The following EML6 variants were observed in gnomAD, a reference collection of about 807,000 sequenced individuals.
The protein encoded by EML6 is echinoderm microtubule-associated protein-like 6.
Under a neutral mutation model 240.1 loss-of-function variants are expected in EML6, and 154 were observed. The observed-to-expected ratio is 0.64, with a 90% CI of 0.56 to 0.73. The LOEUF is 0.73. Among genes scored for constraint, EML6 ranks in the 30% least tolerant of loss-of-function variants. EML6 has a pLI of 0.00. For missense variants in EML6, 2,964 were observed against 2,474.6 expected (o/e 1.20, Z -4.20); for synonymous variants, 1,148 against 899.0 (o/e 1.28, Z -4.95).
In EML6 at chr2:54,824,454, C is replaced by A. The variant is rs75284038; in HGVS notation, c.526-3112C>A. 5.8e-3 allele frequency among the ~76,000 whole-genome samples: 881 copies of A among 152,132 alleles called. 3 individuals are homozygous for A. The highest frequency in any genetic ancestry group is 7.9e-3 in the Non-Finnish European group (539 of 68,002). Reference sequence around the variant, plus strand: ...GTCTGTATTCTCTATATCCAATTACCAGGATTTCTCCACTTTTTTTTCCCC... The same window carrying A: ...GTCTGTATTCTCTATATCCAATTACAAGGATTTCTCCACTTTTTTTTCCCC... On this transcript the variant is annotated intron_variant, in intron 5 of 41. Coordinates refer to ENST00000356458, the MANE Select transcript of EML6 (RefSeq NM_001039753.4).
chr2:54,768,942 C>T (rs1344223221), intron 2 of EML6, among the ~76,000 whole-genome samples: 1 of 152,086 alleles, frequency 6.6e-6, no homozygotes, highest in Non-Finnish European at 1.5e-5. Context: ...TTCATGTCTG[C>T]ATAGTGCCAA....
At chr2:54,767,634 G>A (rs201452541) in intron 2 of EML6, among the ~76,000 whole-genome samples, 2 of 106,986 alleles carry the variant, frequency 1.9e-5, no homozygotes, top group East Asian at 3.1e-4. Flanking sequence ...GTGTGTGTAT[G>A]TGTGTGTGTG....
intron 26 of EML6, among the ~76,000 whole-genome samples, chr2:54,926,823 A>G (rs901939905): frequency 1.3e-5 from 2 of 151,908 alleles, no homozygotes; most frequent in South Asian, 4.2e-4. Flanking sequence ...TGCAACCTGA[A>G]TCTCATCCCT....
rs1307490131 is a variant in EML6 at position 54,970,105 on chromosome 2, A to G, written c.*10A>G. On this transcript the variant is annotated 3_prime_UTR_variant, in exon 42 of 42. Coordinates refer to ENST00000356458, the MANE Select transcript of EML6 (RefSeq NM_001039753.4). ...GTGGCGATGTCTGTAAAATGCCAGA[A>G]GCCTCTTATGTTATTGCTGCTGCTG... 4 of 1,551,630 alleles carry G rather than the reference A, an allele frequency of 2.6e-6. No homozygotes were observed. The East Asian group carries it at 9.8e-5, about 38-fold the overall frequency.
intron 2 of EML6, among the ~76,000 whole-genome samples, chr2:54,809,514 C>A (rs544409305): frequency 6.6e-6 from 1 of 152,248 alleles, no homozygotes; most frequent in Admixed American, 6.5e-5. Flanking sequence ...GGTTGACTAA[C>A]AGCATGGCTG....
intron 3 of EML6, among the ~76,000 whole-genome samples, chr2:54,814,769 C>T (rs1192062554): frequency 6.6e-6 from 1 of 152,202 alleles, no homozygotes; most frequent in Non-Finnish European, 1.5e-5. Flanking sequence ...TTTAAGAGAG[C>T]ATCGATCACT....
At chr2:54,923,239 C>A (rs936426664) in intron 26 of EML6, among the ~76,000 whole-genome samples, 60 of 152,052 alleles carry the variant, frequency 3.9e-4, no homozygotes, top group African/African-American at 1.4e-3. Flanking sequence ...CCACGCCTGG[C>A]CAAAGAGTAT....
Position 54,894,945 on chromosome 2 carries a change from G to A in EML6, c.2773G>A (p.Val925Met), listed in dbSNP as rs1297054444. 21 of 1,551,344 alleles carry A rather than the reference G, an allele frequency of 1.4e-5. No homozygotes were observed. The highest frequency in any genetic ancestry group is 4.9e-5 in the East Asian group (2 of 40,920). Residue 925 changes from valine to methionine, a missense_variant, in exon 20 of 42, where the codon GTG becomes ATG. Coordinates refer to ENST00000356458, the MANE Select transcript of EML6 (RefSeq NM_001039753.4). ...TGTAACAGGTGGAAAGGACGGCATC[G>A]TGGAGCTCTGGGATGATATGTTTGA... ...GFVTGGKDGI[V>M]ELWDDMFERC...
At chr2:54,895,440 G>T (rs1397160107) in intron 21 of EML6, 40 bp downstream of exon 21, 6 of 1,548,854 alleles carry the variant, frequency 3.9e-6, no homozygotes, top group East Asian at 2.4e-5. Context: ...TTCACATCAA[G>T]GCTGGGACTA....
intron 2 of EML6, among the ~76,000 whole-genome samples, chr2:54,811,317 G>A (rs992351949): frequency 1.3e-5 from 2 of 152,152 alleles, no homozygotes; most frequent in Admixed American, 6.5e-5. Flanking sequence ...AGCTGCCCCT[G>A]CCTGCCTGAC....
At chr2:54,744,620 G>A (rs1020558026) in intron 2 of EML6, among the ~76,000 whole-genome samples, 4 of 151,958 alleles carry the variant, frequency 2.6e-5, no homozygotes, top group African/African-American at 2.4e-5. Context: ...GGCAAAGGGG[G>A]CATTCATGGG....
At chr2:54,787,856 C>T (rs1160787581) in intron 2 of EML6, among the ~76,000 whole-genome samples, 1 of 151,698 alleles carries the variant, frequency 6.6e-6, no homozygotes, top group Non-Finnish European at 1.5e-5. Context: ...CCTTCTGCAT[C>T]AATTTTTAGG....
At chr2:54,807,110 T>G (rs112638531) in intron 2 of EML6, among the ~76,000 whole-genome samples, 246 of 152,306 alleles carry the variant, frequency 1.6e-3, no homozygotes, top group African/African-American at 5.7e-3. Context: ...TTTATTGATT[T>G]TTTTTTTCCT....
At chr2:54,872,991 G>C (rs1276721292) in intron 16 of EML6, among the ~76,000 whole-genome samples, 1 of 152,142 alleles carries the variant, frequency 6.6e-6, no homozygotes, top group Non-Finnish European at 1.5e-5. Context: ...CTTGGCAGTA[G>C]AGCCCATCTG....
At chr2:54,962,786 C>G in intron 36 of EML6, 75 bp downstream of exon 36, 1 of 1,263,976 alleles carries the variant, frequency 7.9e-7, no homozygotes, top group Non-Finnish European at 1.0e-6. Flanking sequence ...GAGGAGAGGC[C>G]CAGCCAGCGT....
intron 28 of EML6, among the ~76,000 whole-genome samples, chr2:54,948,667 G>A (rs533783144): frequency 4.6e-5 from 7 of 152,160 alleles, no homozygotes; most frequent in South Asian, 2.1e-4. Context: ...TGCCTCAAGC[G>A]TGGGGAGGCC....
Position 54,853,788 on chromosome 2 carries a change from C to T in EML6, c.1590C>T (p.Ser530=). Residue 530 remains serine, a synonymous_variant, in exon 11 of 42, where the codon AGC becomes AGT. Coordinates refer to ENST00000356458, the MANE Select transcript of EML6 (RefSeq NM_001039753.4). ...DINSVDANYN[S]SVLVSGDDFG... ...ACTCAGTGGATGCGAATTACAACAG[C>T]TCAGTGCTGGTGTCTGGAGATGATT... The T allele has an allele frequency of 2.6e-6, 4 of 1,551,584 alleles. No individual in the cohort carries two copies. The African/African-American group carries it at 4.1e-5, about 16-fold the overall frequency.
intron 2 of EML6, among the ~76,000 whole-genome samples, chr2:54,768,717 A>G (rs1002976859): frequency 2.6e-5 from 4 of 152,140 alleles, no homozygotes; most frequent in African/African-American, 9.6e-5. Context: ...TGGTTTTCTC[A>G]TCTGTGAAGA....
chr2:54,964,592 C>G lies in EML6; in HGVS notation c.5352C>G (p.Phe1784Leu). ...QDIRISPDNR[F>L]LAVGSSEHTV... ...CTAGAATCAGCCCAGACAACCGATT[C>G]TTAGCCGTTGGTTCTTCTGAACACA... Residue 1784 changes from phenylalanine (F) to leucine (L), a missense_variant, in exon 38 of 42, where the codon TTC becomes TTG. Coordinates refer to ENST00000356458, the MANE Select transcript of EML6 (RefSeq NM_001039753.4). 6.4e-7 allele frequency: 1 copy of G among 1,552,408 alleles called. No individual in the cohort carries two copies. The highest frequency in any genetic ancestry group is 8.7e-7 in the Non-Finnish European group (1 of 1,147,126).
Sources: allele counts gnomAD v4.1 joint callset (sites outside exome capture counted in the v4.1 genomes callset), GRCh38; gene constraint gnomAD v4.1.1; transcripts MANE v1.5; gene names NCBI Gene and HGNC (gene_info 2026-07-23, HGNC 2026-07-21).